The following DCUN1D1 variants were observed in gnomAD, a reference collection of about 807,000 sequenced individuals.
DCUN1D1 encodes the protein DCN1-like protein 1.
DCUN1D1 carries 3 observed loss-of-function variants against 39.0 expected under a neutral mutation model. That is an observed-to-expected ratio of 0.08 (90% CI 0.04 to 0.20). The LOEUF is 0.20. DCUN1D1 is among the 10% of genes least tolerant of loss of function. The probability of loss-of-function intolerance (pLI) is 1.00; values close to 1 mark genes in which losing one functional copy is unlikely to be tolerated. For synonymous variants in DCUN1D1, 82 were observed against 96.3 expected (o/e 0.85, Z 0.87); for missense variants, 158 against 302.4 (o/e 0.52, Z 3.54).
intron 1 of DCUN1D1, among the ~76,000 whole-genome samples, chr3:182,975,392 G>A (rs1341111481): frequency 6.6e-6 from 1 of 151,766 alleles, no homozygotes; most frequent in East Asian, 1.9e-4. Context: ...TAGCCAGGAT[G>A]GTCTTGATCT....
intron 1 of DCUN1D1, among the ~76,000 whole-genome samples, chr3:182,974,756 T>C (rs1464383521): frequency 6.3e-5 from 7 of 110,482 alleles, no homozygotes; most frequent in African/African-American, 1.6e-4. Flanking sequence ...AAAAGTATAA[T>C]AGACTTTAAA....
At chr3:182,948,139 G>A (rs2108624454) in intron 4 of DCUN1D1, among the ~76,000 whole-genome samples, 1 of 152,188 alleles carries the variant, frequency 6.6e-6, no homozygotes, top group Middle Eastern at 3.4e-3. Flanking sequence ...ACAACCTGAG[G>A]GCCAACCCAG....
At chr3:182,956,207 G>A (rs546983652) in intron 4 of DCUN1D1, 30 of 257,908 alleles carry the variant, frequency 1.2e-4, no homozygotes, top group Admixed American at 7.0e-4. Flanking sequence ...GATTATAGGC[G>A]TGAGCCACCA....
At position 182,940,966 on chromosome 3, in the gene DCUN1D1, T is replaced by C. The variant is rs1265349492; in HGVS notation, c.*4128A>G. On this transcript the variant is annotated 3_prime_UTR_variant, in exon 7 of 7. Coordinates refer to ENST00000292782, the MANE Select transcript of DCUN1D1 (RefSeq NM_020640.4). ...TTCCACTAACTACAAAGGCTGTGCA[T>C]CTTTTACCATAACTTCCTTATTTGT... is the stretch of plus-strand genomic sequence containing the variant. 1 of 152,174 alleles carries C rather than the reference T, an allele frequency of 6.6e-6. No individual in the cohort carries two copies. The highest frequency in any genetic ancestry group is 2.4e-5 in the African/African-American group (1 of 41,448). The allele number at this position is 152,174 out of a possible 1,614,324, so 9.4% of individuals were successfully genotyped here. A position where few individuals can be genotyped will look rare whatever the true frequency, so the allele number is the denominator to read the frequency against.
chr3:182,943,108 T>C lies in DCUN1D1; in HGVS notation c.*1986A>G, dbSNP rs907946572. ...AATATGACTTTTAAAGAAAACACTT[T>C]ATATTGAAAAAAAAAAAAAAAAAAA... On this transcript the variant is annotated 3_prime_UTR_variant, in exon 7 of 7. Coordinates refer to ENST00000292782, the MANE Select transcript of DCUN1D1 (RefSeq NM_020640.4). 8.0e-4 allele frequency: 104 copies of C among 130,128 alleles called. 1 individual carries two copies. The highest frequency in any genetic ancestry group is 1.2e-3 in the Non-Finnish European group (79 of 64,038). The allele number at this position is 130,128 out of a possible 1,614,324, so 8.1% of individuals were successfully genotyped here. A position where few individuals can be genotyped will look rare whatever the true frequency, so the allele number is the denominator to read the frequency against.
rs765095884 is a variant in DCUN1D1, at chr3:182,965,619, T to C, written c.138A>G (p.Gln46=). 8 of 1,613,836 alleles carry C rather than the reference T, an allele frequency of 5.0e-6. No homozygotes were observed. The Admixed American group carries it at 6.7e-5, about 13-fold the overall frequency. The change falls in exon 2 of 7, where the codon CAA becomes CAG. Residue 46 remains glutamine (Q), a synonymous_variant. Coordinates refer to ENST00000292782, the MANE Select transcript of DCUN1D1 (RefSeq NM_020640.4). ...TCTCTCGTATATAAAGTTCAGGATT[T>C]TGGAAAAAATTATCTGTTGCAACAT... ...KLDVATDNFF[Q]NPELYIRESV...
At chr3:182,964,886 AC>A in intron 2 of DCUN1D1, among the ~76,000 whole-genome samples, 1 of 151,966 alleles carries the variant, frequency 6.6e-6, no homozygotes, top group East Asian at 1.9e-4. Context: ...TGATCTGACC[AC>A]CTCGGCCTCC....
chr3:182,939,786 A>T lies in DCUN1D1; in HGVS notation c.*5308T>A, dbSNP rs1348185703. The T allele has an allele frequency of 6.6e-6, 1 of 152,198 alleles. No individual in the cohort carries two copies. The highest frequency in any genetic ancestry group is 3.2e-3 in the Middle Eastern group (1 of 316). The allele number at this position is 152,198 out of a possible 1,614,324, so 9.4% of individuals were successfully genotyped here. On this transcript the variant is annotated 3_prime_UTR_variant, in exon 7 of 7. Coordinates refer to ENST00000292782, the MANE Select transcript of DCUN1D1 (RefSeq NM_020640.4). ...GACTGCACAACTCTTAAGTTTACTAAAAACAATTAATTGTACATGTACAAT... is the reference window on the plus strand; with the variant it reads ...GACTGCACAACTCTTAAGTTTACTATAAACAATTAATTGTACATGTACAAT...
chr3:182,945,083 T>C lies in DCUN1D1; in HGVS notation c.*11A>G. The C allele has an allele frequency of 6.2e-7, 1 of 1,608,738 alleles. No individual in the cohort carries two copies. The stretch of plus-strand genomic sequence containing the variant: ...TACAGACTATGTACATTCTAGAAGG[T>C]TCCTTTAGTGCTACACTGTTGTACT... On this transcript the variant is annotated 3_prime_UTR_variant, in exon 7 of 7. Coordinates refer to ENST00000292782, the MANE Select transcript of DCUN1D1 (RefSeq NM_020640.4).
At chr3:182,977,067 A>T (rs1254657472) in intron 1 of DCUN1D1, among the ~76,000 whole-genome samples, 1 of 152,242 alleles carries the variant, frequency 6.6e-6, no homozygotes, top group Non-Finnish European at 1.5e-5. Flanking sequence ...TACTTAACAT[A>T]TTCATAAATA....
intron 2 of DCUN1D1, among the ~76,000 whole-genome samples, chr3:182,965,032 T>C (rs1727600715): frequency 6.6e-6 from 1 of 152,196 alleles, no homozygotes; most frequent in African/African-American, 2.4e-5. Flanking sequence ...ATGCATAAAA[T>C]AAATATCCCA....
At chr3:182,961,038 C>T (rs1303579687) in intron 4 of DCUN1D1, among the ~76,000 whole-genome samples, 188 bp downstream of exon 4, 2 of 152,078 alleles carry the variant, frequency 1.3e-5, no homozygotes, top group Non-Finnish European at 2.9e-5. Flanking sequence ...ACATATAGTA[C>T]CCAGGGTAAA....
In DCUN1D1 at chr3:182,951,621, A is replaced by C. The variant is rs1475799424; in HGVS notation, c.521-3989T>G. The stretch of plus-strand genomic sequence containing the variant: ...ACAGAGAGAGACCCTGTCTCCCAAA[A>C]AAAAAAAAAAAAAAAAAAAAAAAAA... On this transcript the variant is annotated intron_variant, in intron 4 of 6. Coordinates refer to ENST00000292782, the MANE Select transcript of DCUN1D1 (RefSeq NM_020640.4). Among the ~76,000 whole-genome samples, 689 of 96,986 alleles carry C rather than the reference A, an allele frequency of 7.1e-3. 15 individuals carry two copies. Among genetic ancestry groups the C allele is most frequent in the African/African-American group, 0.045 (655 of 14,624 alleles). The allele number at this position is 96,986 out of a possible 152,430, so 63.6% of individuals were successfully genotyped here.
intron 4 of DCUN1D1, among the ~76,000 whole-genome samples, chr3:182,959,724 G>A (rs1577178289): frequency 1.3e-5 from 2 of 152,234 alleles, no homozygotes; most frequent in African/African-American, 4.8e-5. Context: ...CTATGGTTTG[G>A]ATATAGTTGG....
chr3:182,959,513 A>C (rs924723158), intron 4 of DCUN1D1, among the ~76,000 whole-genome samples: 11 of 147,806 alleles, frequency 7.4e-5, no homozygotes, highest in South Asian at 2.1e-4. Flanking sequence ...AAAAAAAAAA[A>C]AAAAAAAAAA....
At chr3:182,969,457 ATT>A (rs1163940429) in intron 1 of DCUN1D1, among the ~76,000 whole-genome samples, 1 of 152,148 alleles carries the variant, frequency 6.6e-6, no homozygotes, top group African/African-American at 2.4e-5. Flanking sequence ...AAACAGATGG[ATT>A]TTTTCTCTGT....
chr3:182,959,416 CT>C (rs60831539), intron 4 of DCUN1D1, among the ~76,000 whole-genome samples: 1,592 of 139,068 alleles, frequency 0.011, 31 homozygotes, highest in African/African-American at 0.039. Flanking sequence ...TTTCTCAATA[CT>C]TTTTCCCCCC....
chr3:182,978,236 G>A (rs1356591108), intron 1 of DCUN1D1, among the ~76,000 whole-genome samples: 1 of 152,184 alleles, frequency 6.6e-6, no homozygotes, highest in East Asian at 1.9e-4. Context: ...CTGGAAATGG[G>A]CTGCAGCTAC....
At chr3:182,972,429 A>G (rs1435528563) in intron 1 of DCUN1D1, among the ~76,000 whole-genome samples, 1 of 152,210 alleles carries the variant, frequency 6.6e-6, no homozygotes, top group African/African-American at 2.4e-5. Context: ...ACGATTATTC[A>G]TTCATTCTTA....
Sources: allele counts gnomAD v4.1 joint callset (sites outside exome capture counted in the v4.1 genomes callset), GRCh38; gene constraint gnomAD v4.1.1; transcripts MANE v1.5; gene names NCBI Gene and HGNC (gene_info 2026-07-23, HGNC 2026-07-21).